Variants in PSPC1 observed in about 807,000 individuals in gnomAD.
The protein encoded by PSPC1 is paraspeckle protein 1.
In PSPC1, 14 loss-of-function variants were observed where a neutral mutation model predicts 51.6. The observed-to-expected ratio is 0.27, with a 90% confidence interval of 0.18 to 0.42. The LOEUF (loss-of-function observed/expected upper bound fraction) is 0.42, where lower values mean the gene tolerates loss of function less well. PSPC1 is among the 10% of genes least tolerant of loss of function. The pLI is 1.00. For synonymous variants in PSPC1, 193 were observed against 231.9 expected (o/e 0.83, Z 1.53); for missense variants, 406 against 701.1 (o/e 0.58, Z 4.75).
chr13:19,764,476 T>C (rs1041210961), intron 2 of PSPC1, among the ~76,000 whole-genome samples: 1 of 152,006 alleles, frequency 6.6e-6, no homozygotes, highest in Admixed American at 6.6e-5. Flanking sequence ...GTGGCTGATC[T>C]TTTCTTAGAA....
chr13:19,697,111 C>T (rs1168225832), intron 6 of PSPC1, among the ~76,000 whole-genome samples: 1 of 152,154 alleles, frequency 6.6e-6, no homozygotes, highest in Non-Finnish European at 1.5e-5. Context: ...ACAAAAATCA[C>T]AATCAGAATA....
intron 2 of PSPC1, among the ~76,000 whole-genome samples, chr13:19,760,470 G>A (rs1335079382): frequency 2.6e-5 from 4 of 151,546 alleles, no homozygotes; most frequent in African/African-American, 4.9e-5. Context: ...AGAGGTTGCA[G>A]TGAGTGGCGA....
At chr13:19,777,887 A>G (rs1207812351) in intron 1 of PSPC1, among the ~76,000 whole-genome samples, 2 of 152,036 alleles carry the variant, frequency 1.3e-5, no homozygotes, top group East Asian at 3.9e-4. Context: ...CAGAGGTTGC[A>G]GTGAGTCGAG....
intron 5 of PSPC1, among the ~76,000 whole-genome samples, chr13:19,736,588 C>G (rs1884846824): frequency 6.6e-6 from 1 of 152,080 alleles, no homozygotes; most frequent in Admixed American, 6.6e-5. Context: ...GAGGCTGAGG[C>G]AGGAGAATGG....
intron 2 of PSPC1, among the ~76,000 whole-genome samples, chr13:19,761,404 T>G (rs1887596387): frequency 6.6e-6 from 1 of 152,124 alleles, no homozygotes; most frequent in Non-Finnish European, 1.5e-5. Flanking sequence ...CTCTTCACCA[T>G]GCAAGGGGCA....
At chr13:19,712,382 A>G (rs572827072) in intron 6 of PSPC1, among the ~76,000 whole-genome samples, 1 of 152,296 alleles carries the variant, frequency 6.6e-6, no homozygotes, top group East Asian at 1.9e-4. Context: ...GCAGGAAAAA[A>G]GGGCATAAAC....
chr13:19,771,015 G>A (rs1274248990), intron 2 of PSPC1, among the ~76,000 whole-genome samples: 1 of 151,718 alleles, frequency 6.6e-6, no homozygotes, highest in African/African-American at 2.4e-5. Context: ...CTGCAACTTT[G>A]ACCTCCTGAG....
At chr13:19,763,664 T>C (rs1887791617) in intron 2 of PSPC1, among the ~76,000 whole-genome samples, 1 of 152,112 alleles carries the variant, frequency 6.6e-6, no homozygotes, top group African/African-American at 2.4e-5. Flanking sequence ...AGAAGAAAGG[T>C]AGGGCACTTA....
At chr13:19,752,227 T>C (rs1182271455) in intron 3 of PSPC1, among the ~76,000 whole-genome samples, 1 of 152,192 alleles carries the variant, frequency 6.6e-6, no homozygotes, top group Non-Finnish European at 1.5e-5. Context: ...TTGTAGTTAA[T>C]TATTTATTAC....
At chr13:19,748,612 G>A (rs1317693118) in intron 4 of PSPC1, among the ~76,000 whole-genome samples, 1 of 152,032 alleles carries the variant, frequency 6.6e-6, no homozygotes, top group Non-Finnish European at 1.5e-5. Context: ...CCTCAGACAT[G>A]TCTCCCATAA....
At chr13:19,711,555 G>A (rs532444442) in intron 6 of PSPC1, among the ~76,000 whole-genome samples, 7 of 151,356 alleles carry the variant, frequency 4.6e-5, no homozygotes, top group Non-Finnish European at 8.8e-5. Context: ...GGAGAATTGC[G>A]GGAACCCAGG....
chr13:19,763,716 C>T (rs1057458932), intron 2 of PSPC1, among the ~76,000 whole-genome samples: 26 of 152,266 alleles, frequency 1.7e-4, no homozygotes, highest in African/African-American at 5.5e-4. Flanking sequence ...TCAAAGTGAA[C>T]TCGGCCAGGC....
At chr13:19,734,639 TACA>T (rs1256577123) in intron 5 of PSPC1, among the ~76,000 whole-genome samples, 1 of 152,066 alleles carries the variant, frequency 6.6e-6, no homozygotes, top group Non-Finnish European at 1.5e-5. Context: ...CTGTCTCTAC[TACA>T]ACTACAAAAA....
downstream of PSPC1, chr13:19,671,702 A>G (rs1876137230): frequency 1.3e-6 from 1 of 741,982 alleles, no homozygotes; most frequent in Non-Finnish European, 2.3e-6. Context: ...ATGATCTAAC[A>G]ATGTAAATTG....
At chr13:19,757,129 CAAA>C (rs56303316) in intron 3 of PSPC1, among the ~76,000 whole-genome samples, 16 of 110,014 alleles carry the variant, frequency 1.5e-4, no homozygotes, top group Non-Finnish European at 1.7e-4. Flanking sequence ...GACTCCGTCT[CAAA>C]AAAAAAAAAA....
chr13:19,719,221 G>T (rs551373390), intron 6 of PSPC1, among the ~76,000 whole-genome samples: 1 of 151,862 alleles, frequency 6.6e-6, no homozygotes, highest in Non-Finnish European at 1.5e-5. Context: ...CGGGGTAGAC[G>T]GGAAATCTCT....
chr13:19,722,797 G>GAAAACA (rs1312329264), intron 6 of PSPC1, among the ~76,000 whole-genome samples: 2 of 150,242 alleles, frequency 1.3e-5, no homozygotes, highest in East Asian at 4.0e-4. Context: ...ACCGCCTCAA[G>GAAAACA]AAAACAAAAA....
chr13:19,730,103 TC>T, intron 6 of PSPC1, 135 bp downstream of exon 6: 1 of 662,098 alleles, frequency 1.5e-6, no homozygotes, highest in Admixed American at 2.8e-5. Flanking sequence ...GTTAAGAAAA[TC>T]ACTAATTTAT....
chr13:19,683,032 T>C (rs1877456061), intron 6 of PSPC1, among the ~76,000 whole-genome samples: 1 of 151,882 alleles, frequency 6.6e-6, no homozygotes. Context: ...CGCACTACTA[T>C]ACTCCAGCCT....
Sources: gnomAD v4.1 joint callset for allele counts (sites outside exome capture counted in the v4.1 genomes callset) on GRCh38, gnomAD v4.1.1 for gene constraint, MANE v1.5 for transcripts, NCBI Gene and HGNC (gene_info 2026-07-23, HGNC 2026-07-21) for gene names.